The following EDA variants were observed in gnomAD, a reference collection of about 807,000 sequenced individuals.
EDA encodes ectodysplasin-A.
In EDA, 2 loss-of-function variants were observed where a neutral mutation model predicts 23.6. The ratio of observed to expected loss-of-function variants is 0.08; its 90% CI spans 0.03 to 0.27. The LOEUF (loss-of-function observed/expected upper bound fraction) is 0.27, where lower values mean the gene tolerates loss of function less well. EDA is among the 10% of genes least tolerant of loss of function. EDA has a pLI of 1.00. For synonymous variants in EDA, 131 were observed against 132.0 expected (o/e 0.99, Z 0.05); for missense variants, 229 against 324.2 (o/e 0.71, Z 2.26).
intron 1 of EDA, among the ~76,000 whole-genome samples, chrX:69,820,395 G>A (rs1202665608): frequency 9.0e-6 from 1 of 111,710 alleles, no homozygotes; most frequent in African/African-American, 3.3e-5. Context: ...TTGACAAATG[G>A]GATCTAATTA....
At chrX:69,766,147 C>T (rs1451527526) in intron 1 of EDA, among the ~76,000 whole-genome samples, 2 of 111,775 alleles carry the variant, frequency 1.8e-5, no homozygotes, top group East Asian at 2.8e-4. Flanking sequence ...GTTCTATTTC[C>T]TTGTTCACTG....
intron 1 of EDA, among the ~76,000 whole-genome samples, chrX:69,828,790 G>A (rs1234302663): frequency 8.9e-6 from 1 of 112,527 alleles, no homozygotes; most frequent in Non-Finnish European, 1.9e-5. Flanking sequence ...GTCATATCAT[G>A]TTTTTCATTA....
intron 1 of EDA, among the ~76,000 whole-genome samples, chrX:69,671,962 G>T (rs1012148839): frequency 3.6e-5 from 4 of 111,906 alleles, no homozygotes; most frequent in African/African-American, 6.5e-5. Flanking sequence ...TAGATTGAAA[G>T]CTCCATGAAG....
intron 2 of EDA, among the ~76,000 whole-genome samples, chrX:70,016,456 A>G (rs982525459): frequency 9.0e-6 from 1 of 111,570 alleles, no homozygotes; most frequent in Non-Finnish European, 1.9e-5. Context: ...TGCACATAGC[A>G]TATGCTCTAA....
rs906808081 is a variant in EDA, at chrX:69,686,289, G to A, written c.396+69585G>A. Among the ~76,000 whole-genome samples, 4 of 112,363 alleles carry A rather than the reference G, an allele frequency of 3.6e-5. 1 individual carries two copies. Among genetic ancestry groups the A allele is most frequent in the Non-Finnish European group, 3.8e-5 (2 of 53,238 alleles). ...TGGGATTATAGGCATGAGCCACCGC[G>A]CCCAGCCTGAAATGGCATTTCTTTC... On this transcript the variant is annotated intron_variant, in intron 1 of 7. Transcript: ENST00000374552.
chrX:69,989,749 A>G (rs1381480085), intron 2 of EDA, among the ~76,000 whole-genome samples: 2 of 110,747 alleles, frequency 1.8e-5, no homozygotes, highest in African/African-American at 3.3e-5. Flanking sequence ...AATGAGCTCA[A>G]TAGTAGAGTG....
At position 69,879,004 on chromosome X, in the gene EDA, G is replaced by A. The variant is rs138444800; in HGVS notation, c.397-78023G>A. ...TTGCTGACTATAAAAATAAATCATAGTAATATTATTGAACATTCTACTTTG... is the reference window on the plus strand; with the variant it reads ...TTGCTGACTATAAAAATAAATCATAATAATATTATTGAACATTCTACTTTG... On this transcript the variant is annotated intron_variant, in intron 1 of 7. Transcript: ENST00000374552. Among the ~76,000 whole-genome samples, 269 of 111,041 alleles carry A rather than the reference G, an allele frequency of 2.4e-3. 8 individuals carry two copies. In the East Asian group the frequency reaches 0.044, roughly 18 times the overall value.
chrX:69,646,305 T>C (rs1238058440), intron 1 of EDA, among the ~76,000 whole-genome samples: 1 of 111,501 alleles, frequency 9.0e-6, no homozygotes, highest in Non-Finnish European at 1.9e-5. Flanking sequence ...CTATTATTGT[T>C]TGAGAGTCTA....
chrX:69,777,978 T>A lies in EDA; in HGVS notation c.396+161274T>A, dbSNP rs754572654. On this transcript the variant is annotated intron_variant, in intron 1 of 7. Transcript: ENST00000374552. ...ACAGGGATTCTTGTAGATAGATTAC[T>A]GTTTGTGTGATTTATGACTCCTATC... 3.6e-5 allele frequency among the ~76,000 whole-genome samples: 4 copies of A among 111,609 alleles called. No individual in the cohort carries two copies. In the East Asian group the frequency reaches 1.1e-3, roughly 31 times the overall value.
At chrX:69,770,801 T>A (rs896446966) in intron 1 of EDA, among the ~76,000 whole-genome samples, 1 of 105,095 alleles carries the variant, frequency 9.5e-6, no homozygotes, top group Non-Finnish European at 2.0e-5. Flanking sequence ...CTTTGCCTAG[T>A]CTTAGATTCT....
chrX:69,793,564 G>GTTTTT (rs1362047098), intron 1 of EDA, among the ~76,000 whole-genome samples: 4 of 32,897 alleles, frequency 1.2e-4, no homozygotes, highest in African/African-American at 6.8e-4. Context: ...TTGTTTGTTT[G>GTTTTT]TTTTTGTTTT....
chrX:69,958,095 A>G (rs1484885471), intron 2 of EDA, among the ~76,000 whole-genome samples: 2 of 112,242 alleles, frequency 1.8e-5, no homozygotes, highest in East Asian at 2.8e-4. Flanking sequence ...TTAACTAGCA[A>G]TGCATTCTGT....
At chrX:69,856,253 T>TGGTG (rs1178320363) in intron 1 of EDA, among the ~76,000 whole-genome samples, 5,389 of 58,376 alleles carry the variant, frequency 0.092, 138 homozygotes, top group Middle Eastern at 0.14. Flanking sequence ...TAGTATTCCA[T>TGGTG]GGTGTGTGTG....
chrX:69,790,642 C>T (rs1377416421), intron 1 of EDA, among the ~76,000 whole-genome samples: 1 of 111,418 alleles, frequency 9.0e-6, no homozygotes, highest in Non-Finnish European at 1.9e-5. Flanking sequence ...TGTTATTGTT[C>T]TCAGCTTCAT....
chrX:69,805,281 C>G (rs1674874713), intron 1 of EDA, among the ~76,000 whole-genome samples: 2 of 111,674 alleles, frequency 1.8e-5, no homozygotes, highest in African/African-American at 6.5e-5. Flanking sequence ...GTCTCCTTCA[C>G]TACATTCAAA....
At chrX:69,891,839 G>A (rs775551660) in intron 1 of EDA, among the ~76,000 whole-genome samples, 2 of 110,919 alleles carry the variant, frequency 1.8e-5, no homozygotes, top group Non-Finnish European at 3.8e-5. Flanking sequence ...GTGATGGGAT[G>A]ATCTGTGCAG....
At chrX:69,673,500 G>A (rs542672034) in intron 1 of EDA, among the ~76,000 whole-genome samples, 156 of 111,055 alleles carry the variant, frequency 1.4e-3, no homozygotes, top group African/African-American at 5.0e-3. Context: ...AGCATATTCG[G>A]TATGCTATAC....
intron 1 of EDA, among the ~76,000 whole-genome samples, chrX:69,836,250 A>T (rs759852703): frequency 1.8e-5 from 2 of 112,410 alleles, no homozygotes; most frequent in East Asian, 5.7e-4. Context: ...GTGCTGAGAG[A>T]ACCACTGCTC....
chrX:69,866,036 C>T (rs935029803), intron 1 of EDA, among the ~76,000 whole-genome samples: 1 of 112,088 alleles, frequency 8.9e-6, no homozygotes, highest in Non-Finnish European at 1.9e-5. Flanking sequence ...GTGGTCGTAG[C>T]TGGTATTGAT....
Sources: allele counts gnomAD v4.1 joint callset (sites outside exome capture counted in the v4.1 genomes callset), GRCh38; gene constraint gnomAD v4.1.1; transcripts MANE v1.5; gene names NCBI Gene and HGNC (gene_info 2026-07-23, HGNC 2026-07-21).